Variants in VIPR2 observed in about 807,000 individuals in gnomAD.
VIPR2 encodes vasoactive intestinal polypeptide receptor 2.
A neutral mutation model predicts 58.0 loss-of-function variants in VIPR2; 48 were observed. That is an observed-to-expected ratio of 0.83 (90% CI 0.66 to 1.05). VIPR2 has a LOEUF of 1.05. Ranked by LOEUF, VIPR2 falls within the 50% of genes least tolerant of loss-of-function variation. VIPR2 has a pLI of 0.00. For synonymous variants in VIPR2, 243 were observed against 235.2 expected (o/e 1.03, Z -0.30); for missense variants, 534 against 558.0 (o/e 0.96, Z 0.43).
At chr7:159,118,222 G>C (rs1455383626) in intron 2 of VIPR2, among the ~76,000 whole-genome samples, 2 of 152,214 alleles carry the variant, frequency 1.3e-5, no homozygotes, top group African/African-American at 4.8e-5. Context: ...GCATGTCTGA[G>C]TGGTTGAGTT....
chr7:159,139,095 C>A (rs1181223167), intron 2 of VIPR2, among the ~76,000 whole-genome samples: 2 of 152,178 alleles, frequency 1.3e-5, no homozygotes, highest in Non-Finnish European at 1.5e-5. Context: ...CAGCAGCCAC[C>A]AGTCCTTGCT....
chr7:159,043,028 G>C lies in VIPR2; in HGVS notation c.597+7C>G, dbSNP rs1476311661. On this transcript the variant is annotated splice_region_variant and intron_variant, in intron 6 of 12. Coordinates refer to ENST00000262178, the MANE Select transcript of VIPR2 (RefSeq NM_003382.5). ...ACAGTGGGACCCTGTGGTGGGGACAGCCTTACCCAGGAGGATGGCTGGTCA... is the reference window on the plus strand; with the variant it reads ...ACAGTGGGACCCTGTGGTGGGGACACCCTTACCCAGGAGGATGGCTGGTCA... The C allele has an allele frequency of 1.1e-5, 17 of 1,613,600 alleles. No individual in the cohort carries two copies. Among genetic ancestry groups the C allele is most frequent in the Non-Finnish European group, 1.4e-5 (17 of 1,179,692 alleles).
At chr7:159,142,055 C>G (rs1298103491) in intron 2 of VIPR2, among the ~76,000 whole-genome samples, 8 of 152,200 alleles carry the variant, frequency 5.3e-5, no homozygotes, top group Admixed American at 5.2e-4. Context: ...ACCCACCATC[C>G]TTAACCAGAT....
intron 6 of VIPR2, among the ~76,000 whole-genome samples, chr7:159,041,470 C>T (rs151106498): frequency 1.2e-3 from 177 of 145,374 alleles, no homozygotes; most frequent in African/African-American, 4.2e-3. Context: ...GGGTCTGTTG[C>T]GGGTCACTGC....
intron 5 of VIPR2, among the ~76,000 whole-genome samples, chr7:159,053,407 AAAG>A (rs1300740754): frequency 6.6e-6 from 1 of 152,254 alleles, no homozygotes; most frequent in East Asian, 1.9e-4. Context: ...CTGAGAAATT[AAAG>A]AAAACCAAAA....
At chr7:159,064,435 C>T (rs551955832) in intron 4 of VIPR2, among the ~76,000 whole-genome samples, 79 of 152,228 alleles carry the variant, frequency 5.2e-4, no homozygotes, top group Non-Finnish European at 9.1e-4. Context: ...GCTCCTGAGG[C>T]AGCAGTGTCC....
At chr7:159,078,183 A>T (rs1343953118) in intron 4 of VIPR2, among the ~76,000 whole-genome samples, 3 of 152,108 alleles carry the variant, frequency 2.0e-5, no homozygotes, top group Non-Finnish European at 4.4e-5. Context: ...TCCCCCCCTC[A>T]TTTTACCATC....
At chr7:159,070,352 A>AT (rs1232927080) in intron 4 of VIPR2, among the ~76,000 whole-genome samples, 7 of 149,726 alleles carry the variant, frequency 4.7e-5, no homozygotes, top group African/African-American at 1.7e-4. Context: ...TTTTTTTTAG[A>AT]TTTTCTTACT....
chr7:159,117,543 G>A (rs1796285446), intron 2 of VIPR2: 1 of 649,260 alleles, frequency 1.5e-6, no homozygotes, highest in African/African-American at 1.8e-5. Context: ...AACTCCAGTT[G>A]TCACCTGCAC....
chr7:159,074,634 G>A (rs1209117599), intron 4 of VIPR2, among the ~76,000 whole-genome samples: 4 of 152,302 alleles, frequency 2.6e-5, no homozygotes, highest in South Asian at 2.1e-4. Context: ...TTACTGCAAC[G>A]TGAATAGACT....
At chr7:159,101,547 CCCTG>C (rs1858240385) in intron 4 of VIPR2, among the ~76,000 whole-genome samples, 1 of 123,922 alleles carries the variant, frequency 8.1e-6, no homozygotes, top group Non-Finnish European at 1.7e-5. Context: ...GAGGCGGTTC[CCCTG>C]ACTGTTCCTG....
At chr7:159,136,311 C>T (rs1440503952) in intron 2 of VIPR2, among the ~76,000 whole-genome samples, 7 of 152,026 alleles carry the variant, frequency 4.6e-5, no homozygotes, top group Admixed American at 6.5e-5. Context: ...AATCTATTAA[C>T]GGATTAACCC....
intron 5 of VIPR2, among the ~76,000 whole-genome samples, chr7:159,047,443 G>A (rs1296350725): frequency 2.0e-5 from 3 of 152,056 alleles, no homozygotes; most frequent in Non-Finnish European, 4.4e-5. Flanking sequence ...AAATTATGGT[G>A]TAAATATTTT....
rs1429726180 is a variant in VIPR2, at chr7:159,136,831, T to C, written c.151+5615A>G. 3.9e-5 allele frequency among the ~76,000 whole-genome samples: 6 copies of C among 152,278 alleles called. No homozygotes were observed. The South Asian group carries it at 1.2e-3, about 32-fold the overall frequency. On this transcript the variant is annotated intron_variant, in intron 2 of 12. Coordinates refer to ENST00000262178, the MANE Select transcript of VIPR2 (RefSeq NM_003382.5). ...TGAGGCCAGCAGGAATTGTTACTGC[T>C]GTGGCCATGTGGAGAAGCAGCCGCC...
intron 2 of VIPR2, among the ~76,000 whole-genome samples, chr7:159,115,932 T>G (rs1796219971): frequency 6.7e-6 from 1 of 149,062 alleles, no homozygotes; most frequent in Non-Finnish European, 1.5e-5. Flanking sequence ...TGCGTTTAGC[T>G]AAGTAGTCAG....
At chr7:159,104,080 G>A (rs1229486843) in intron 3 of VIPR2, among the ~76,000 whole-genome samples, 1 of 152,168 alleles carries the variant, frequency 6.6e-6, no homozygotes, top group Non-Finnish European at 1.5e-5. Flanking sequence ...GTGAGTGAAC[G>A]CACTGTGTCA....
At chr7:159,137,094 G>A (rs1797261050) in intron 2 of VIPR2, among the ~76,000 whole-genome samples, 1 of 152,100 alleles carries the variant, frequency 6.6e-6, no homozygotes, top group Admixed American at 6.5e-5. Context: ...GGAGGGGTGG[G>A]GAGGAAGCTG....
chr7:159,038,646 CTTT>C (rs1381138045), intron 6 of VIPR2, among the ~76,000 whole-genome samples: 3 of 152,118 alleles, frequency 2.0e-5, no homozygotes, highest in African/African-American at 7.2e-5. Context: ...AACGTGCCTT[CTTT>C]TGTCTCTCGG....
In VIPR2 at chr7:159,030,577, C is replaced by T. The variant is rs1853480594; in HGVS notation, c.*39G>A. The stretch of plus-strand genomic sequence containing the variant: ...GTCTCAGCCCCGCAGAAGCCCCGAA[C>T]CGTGGGCCTCCCGCCGCGTCCGACA... On this transcript the variant is annotated 3_prime_UTR_variant, in exon 13 of 13. Transcript: ENST00000262178. 2 of 1,496,776 alleles carry T rather than the reference C, an allele frequency of 1.3e-6. No individual in the cohort carries two copies. The highest frequency in any genetic ancestry group is 1.8e-6 in the Non-Finnish European group (2 of 1,119,804). The allele number at this position is 1,496,776 out of a possible 1,614,324, so 92.7% of individuals were successfully genotyped here. A position where few individuals can be genotyped will look rare whatever the true frequency, so the allele number is the denominator to read the frequency against.
Sources: gnomAD v4.1 joint callset for allele counts (sites outside exome capture counted in the v4.1 genomes callset) on GRCh38, gnomAD v4.1.1 for gene constraint, MANE v1.5 for transcripts, NCBI Gene and HGNC (gene_info 2026-07-23, HGNC 2026-07-21) for gene names.